The following CSF1R variants were observed in gnomAD, a reference collection of about 807,000 sequenced individuals.
The protein encoded by CSF1R is colony stimulating factor 1 receptor.
In CSF1R, 40 loss-of-function variants were observed where a neutral mutation model predicts 110.0. That is an observed-to-expected ratio of 0.36 (90% CI 0.28 to 0.47). CSF1R has a LOEUF of 0.47. Ranked by LOEUF, CSF1R falls within the 20% of genes least tolerant of loss-of-function variation. The pLI is 0.99. For synonymous variants in CSF1R, 523 were observed against 503.4 expected, an observed-to-expected ratio of 1.04 and a Z score of -0.52; for missense variants, 1,052 against 1,253.0, an observed-to-expected ratio of 0.84 and a Z score of 2.42.
chr5:150,099,188 G>A (rs907349537), intron 1 of CSF1R, among the ~76,000 whole-genome samples: 15 of 151,744 alleles, frequency 9.9e-5, no homozygotes, highest in South Asian at 8.3e-4. Flanking sequence ...GATTACAGGC[G>A]TGAGCCACCG....
intron 7 of CSF1R, 35 bp from the exon 8 acceptor site, chr5:150,070,337 T>A (rs879640884): frequency 1.9e-6 from 3 of 1,606,742 alleles, no homozygotes; most frequent in Non-Finnish European, 2.6e-6. Context: ...AAGTCACACT[T>A]TCCCCGCCAC....
intron 5 of CSF1R, among the ~76,000 whole-genome samples, chr5:150,076,190 ATCTTCAGCCCAT>A (rs1758250735): frequency 1.3e-5 from 2 of 152,150 alleles, no homozygotes; most frequent in Admixed American, 1.3e-4. Context: ...ACCACTGGCC[ATCTTCAGCCCAT>A]TCTCCAGCCT....
chr5:150,108,495 G>T (rs929698448), intron 1 of CSF1R, among the ~76,000 whole-genome samples: 1 of 152,182 alleles, frequency 6.6e-6, no homozygotes, highest in Non-Finnish European at 1.5e-5. Flanking sequence ...TCTCGACTTT[G>T]CTGGGCCACG....
rs753954924 is a variant in CSF1R, at chr5:150,080,827, G to T, written c.247C>A (p.Arg83Ser). The change falls in exon 2 of 21, where the codon CGC (arginine) becomes AGC (serine). Residue 83 changes from arginine to serine, a missense_variant. Arg to Ser is a moderately radical substitution (Grantham distance 110, BLOSUM62 -1). This residue lies in a region of CSF1R where 693 missense variants were observed against 735.4 expected (regional missense o/e 0.94). Transcript: ENST00000675795. ...AGGGGGTCTCCAGGCTCAGTGCAGCGATAGGTCCCCGTGTTTTGGAAGGTA... is the reference window on the plus strand; with the variant it reads ...AGGGGGTCTCCAGGCTCAGTGCAGCTATAGGTCCCCGTGTTTTGGAAGGTA... ...NATFQNTGTY[R>S]CTEPGDPLGG... The T allele has an allele frequency of 6.2e-7, 1 of 1,614,158 alleles. No individual in the cohort carries two copies. The highest frequency in any genetic ancestry group is 1.1e-5 in the South Asian group (1 of 91,080).
At chr5:150,106,232 C>T (rs1185044847) in intron 1 of CSF1R, among the ~76,000 whole-genome samples, 2 of 152,212 alleles carry the variant, frequency 1.3e-5, no homozygotes, top group African/African-American at 4.8e-5. Context: ...GACATTACCC[C>T]TTCCTGTGGC....
At chr5:150,059,119 A>G (rs1374442632) in intron 14 of CSF1R, among the ~76,000 whole-genome samples, 1 of 152,074 alleles carries the variant, frequency 6.6e-6, no homozygotes, top group East Asian at 1.9e-4. Context: ...ATCTCAGCTC[A>G]CAGCAACCTC....
rs1581318880 is a variant in CSF1R at position 150,078,172 on chromosome 5, C to A, written c.669G>T (p.Val223=). The A allele has an allele frequency of 1.2e-6, 2 of 1,614,152 alleles. No individual in the cohort carries two copies. The highest frequency in any genetic ancestry group is 4.5e-5 in the East Asian group (2 of 44,868). The change falls in exon 4 of 21, where the codon GTG becomes GTT. Residue 223 remains valine, a synonymous_variant. Coordinates refer to ENST00000675795, the MANE Select transcript of CSF1R (RefSeq NM_001288705.3). ...VRIRGEAAQI[V]CSASSVDVNF... ...TAACATCAACGCTGCTGGCTGAGCA[C>A]ACGATCTGGGCAGCCTCCCCTCGAA...
At chr5:150,060,837 GC>G in intron 13 of CSF1R, 24 bp downstream of exon 13, 1 of 1,532,284 alleles carries the variant, frequency 6.5e-7, no homozygotes, top group Admixed American at 1.8e-5. Flanking sequence ...CAAGACCTTG[GC>G]CCCAGGAACC....
Position 150,070,566 on chromosome 5 carries a change from G to T in CSF1R, c.1088C>A (p.Thr363Asn), listed in dbSNP as rs1341604312. 83 of 1,527,202 alleles carry T rather than the reference G, an allele frequency of 5.4e-5. No homozygotes were observed. Among genetic ancestry groups the T allele is most frequent in the Non-Finnish European group, 7.0e-5 (80 of 1,136,560 alleles). The allele number at this position is 1,527,202 out of a possible 1,614,324, so 94.6% of individuals were successfully genotyped here. A position where few individuals can be genotyped will look rare whatever the true frequency, so the allele number is the denominator to read the frequency against. The change falls in exon 7 of 21, where the codon ACC becomes AAC. Residue 363 changes from threonine (T) to asparagine (N), a missense_variant. Physicochemically the swap from Thr to Asn is moderately conservative, Grantham distance 65. Coordinates refer to ENST00000675795, the MANE Select transcript of CSF1R (RefSeq NM_001288705.3). ...CAGGCGGGGCAGAGAGAGGGTGAAG[G>T]TGTGCCTGCAGGAGAGAATCAGGTG... ...NATTKDTYRH[T>N]FTLSLPRLKP...
At chr5:150,079,188 G>C (rs571874050) in intron 3 of CSF1R, among the ~76,000 whole-genome samples, 274 of 152,340 alleles carry the variant, frequency 1.8e-3, no homozygotes, top group African/African-American at 6.4e-3. Flanking sequence ...GGCCAGCCCA[G>C]GGCTCTGCAG....
intron 1 of CSF1R, among the ~76,000 whole-genome samples, chr5:150,111,561 A>G (rs1054441519): frequency 9.9e-5 from 15 of 152,170 alleles, no homozygotes; most frequent in Non-Finnish European, 1.3e-4. Flanking sequence ...TCTTGGGGAA[A>G]CACAGTACCA....
At chr5:150,075,202 G>C (rs564961956) in intron 5 of CSF1R, among the ~76,000 whole-genome samples, 3 of 152,110 alleles carry the variant, frequency 2.0e-5, no homozygotes, top group African/African-American at 4.8e-5. Context: ...TCTCTTCTCT[G>C]TCTCTCTCAA....
chr5:150,062,961 G>A (rs771937722), intron 10 of CSF1R, among the ~76,000 whole-genome samples: 22 of 152,210 alleles, frequency 1.4e-4, no homozygotes, highest in Non-Finnish European at 2.6e-4. Flanking sequence ...GGGAAGTGGG[G>A]GGCAGATTCC....
chr5:150,075,223 A>G (rs1484272645), intron 5 of CSF1R, among the ~76,000 whole-genome samples: 26 of 152,046 alleles, frequency 1.7e-4, no homozygotes, highest in Admixed American at 1.7e-3. Context: ...CAATCCATCT[A>G]TCTATTATTC....
At chr5:150,081,700 A>G (rs1157113597) in intron 1 of CSF1R, among the ~76,000 whole-genome samples, 1 of 152,198 alleles carries the variant, frequency 6.6e-6, no homozygotes, top group African/African-American at 2.4e-5. Flanking sequence ...GTCACCAAAT[A>G]AATGGCTCAG....
chr5:150,106,651 G>C (rs4705413), intron 1 of CSF1R, among the ~76,000 whole-genome samples: 79,739 of 152,036 alleles, frequency 0.52, 21,697 homozygotes, highest in African/African-American at 0.68. Context: ...CATTACTATT[G>C]CAGCTCCATA....
chr5:150,072,475 C>CA (rs1758070469), intron 6 of CSF1R, among the ~76,000 whole-genome samples: 1 of 151,890 alleles, frequency 6.6e-6, no homozygotes, highest in Non-Finnish European at 1.5e-5. Flanking sequence ...GCAACAAGAG[C>CA]AAAACTCCAT....
chr5:150,080,485 G>A (rs980445667), intron 2 of CSF1R, 149 bp from the exon 3 acceptor site: 1 of 1,150,744 alleles, frequency 8.7e-7, no homozygotes, highest in East Asian at 2.6e-5. Flanking sequence ...GCTTCAGCGT[G>A]GTGGCTCCAG....
intron 1 of CSF1R, 56 bp downstream of exon 1, chr5:150,086,323 A>C: frequency 1.3e-6 from 2 of 1,520,794 alleles, no homozygotes; most frequent in Non-Finnish European, 9.0e-7. Context: ...ATCCTTTCAC[A>C]GGGGTCTTCT....
Sources: gnomAD v4.1 joint callset for allele counts (sites outside exome capture counted in the v4.1 genomes callset) on GRCh38, gnomAD v4.1.1 for gene constraint, gnomAD v4.1.1 regional missense constraint, MANE v1.5 for transcripts, NCBI Gene and HGNC (gene_info 2026-07-23, HGNC 2026-07-21) for gene names.